The following TEAD1 variants were observed in gnomAD, a reference collection of about 807,000 sequenced individuals.
The protein encoded by TEAD1 is TEA domain transcription factor 1.
Under a neutral mutation model 54.9 loss-of-function variants are expected in TEAD1, and 9 were observed. That is an observed-to-expected ratio of 0.16 (90% CI 0.10 to 0.29). The LOEUF is 0.29. Ranked by LOEUF, TEAD1 falls within the 10% of genes least tolerant of loss-of-function variation. The pLI, the probability that TEAD1 is intolerant of heterozygous loss-of-function variation, is 1.00. For synonymous variants in TEAD1, 200 were observed against 187.8 expected, an observed-to-expected ratio of 1.07 and a Z score of -0.53; for missense variants, 387 against 535.9, an observed-to-expected ratio of 0.72 and a Z score of 2.74.
chr11:12,735,702 G>A (rs930883921), intron 2 of TEAD1, among the ~76,000 whole-genome samples: 2 of 151,894 alleles, frequency 1.3e-5, no homozygotes, highest in Non-Finnish European at 2.9e-5. Context: ...CCACCACTCT[G>A]CTCCCCATGA....
intron 12 of TEAD1, among the ~76,000 whole-genome samples, chr11:12,931,047 C>T (rs1358485043): frequency 6.6e-6 from 1 of 152,192 alleles, no homozygotes; most frequent in African/African-American, 2.4e-5. Flanking sequence ...GGGAGGATCC[C>T]CTGAGCCCAG....
At chr11:12,899,696 AC>A (rs1948387707) in intron 9 of TEAD1, among the ~76,000 whole-genome samples, 1 of 152,208 alleles carries the variant, frequency 6.6e-6, no homozygotes, top group African/African-American at 2.4e-5. Context: ...CTTCTGTCTT[AC>A]CTGCCAGGTG....
intron 3 of TEAD1, among the ~76,000 whole-genome samples, chr11:12,836,874 ATCTATTTT>A (rs1412044573): frequency 6.6e-6 from 1 of 152,178 alleles, no homozygotes; most frequent in African/African-American, 2.4e-5. Flanking sequence ...GAAAAAGCGG[ATCTATTTT>A]TCTTTGGCAA....
At chr11:12,675,987 T>C (rs1027694364) in intron 2 of TEAD1, among the ~76,000 whole-genome samples, 6 of 152,294 alleles carry the variant, frequency 3.9e-5, no homozygotes, top group African/African-American at 1.2e-4. Context: ...AGTGGCTTCC[T>C]GTGATTTGCA....
At chr11:12,927,086 G>A (rs1396310865) in intron 11 of TEAD1, among the ~76,000 whole-genome samples, 1 of 152,168 alleles carries the variant, frequency 6.6e-6, no homozygotes, top group Non-Finnish European at 1.5e-5. Context: ...GTCCTCAGAC[G>A]ATACACCCAA....
At chr11:12,925,198 T>A in intron 11 of TEAD1, 146 bp downstream of exon 11, 1 of 911,172 alleles carries the variant, frequency 1.1e-6, no homozygotes, top group Non-Finnish European at 1.7e-6. Flanking sequence ...TATGAAGAAC[T>A]ACCTGAAAAT....
At chr11:12,710,387 T>C (rs1434041737) in intron 2 of TEAD1, among the ~76,000 whole-genome samples, 3 of 152,098 alleles carry the variant, frequency 2.0e-5, no homozygotes, top group African/African-American at 7.2e-5. Context: ...ACAGATATCA[T>C]TGGGCATCTA....
chr11:12,928,444 G>T (rs1948943260), intron 11 of TEAD1, among the ~76,000 whole-genome samples: 1 of 151,818 alleles, frequency 6.6e-6, no homozygotes, highest in South Asian at 2.1e-4. Flanking sequence ...ACCATGCCTG[G>T]CTAATTTTTT....
At chr11:12,931,169 T>C (rs146460164) in intron 12 of TEAD1, among the ~76,000 whole-genome samples, 6 of 152,320 alleles carry the variant, frequency 3.9e-5, no homozygotes, top group African/African-American at 1.2e-4. Flanking sequence ...AGGTCCATGA[T>C]GGGAAAACTC....
intron 2 of TEAD1, among the ~76,000 whole-genome samples, chr11:12,745,046 G>T (rs1375463292): frequency 1.3e-5 from 2 of 152,204 alleles, no homozygotes; most frequent in Non-Finnish European, 2.9e-5. Context: ...TGGTCAGGGA[G>T]TGTGGTGGCA....
chr11:12,808,270 G>T (rs1009557756), intron 3 of TEAD1, among the ~76,000 whole-genome samples: 2 of 151,958 alleles, frequency 1.3e-5, no homozygotes, highest in South Asian at 2.1e-4. Flanking sequence ...ATAAAATAAC[G>T]CTTAGAATGA....
rs781670513 is a variant in TEAD1 at position 12,930,255 on chromosome 11, A to G, written c.1096A>G (p.Ile366Val). 1.2e-5 allele frequency: 19 copies of G among 1,614,120 alleles called. No individual in the cohort carries two copies. Among genetic ancestry groups the G allele is most frequent in the Non-Finnish European group, 1.6e-5 (19 of 1,180,042 alleles). Residue 366 changes from isoleucine (I) to valine (V), a missense_variant, in exon 12 of 13, where the codon ATC (isoleucine) becomes GTC (valine). Ile to Val is a conservative substitution (Grantham distance 29). Transcript: ENST00000527636. ...AATGTGTGAATATATGATCAACTTC[A>G]TCCACAAGCTCAAACACTTACCAGA...
At chr11:12,898,567 G>A (rs549769220) in intron 9 of TEAD1, among the ~76,000 whole-genome samples, 1 of 151,826 alleles carries the variant, frequency 6.6e-6, no homozygotes, top group South Asian at 2.1e-4. Context: ...GCTAATTTTT[G>A]TATTTTTAGT....
Position 12,940,620 on chromosome 11 carries a change from A to G in TEAD1, c.*3398A>G, listed in dbSNP as rs1564998904. On this transcript the variant is annotated 3_prime_UTR_variant, in exon 13 of 13. Transcript: ENST00000527636. ...GTATTCTTTCACTCAGCACTGGGGA[A>G]GTTGGGAACAGCTGGTCACCATCAT... 1 of 152,202 alleles carries G rather than the reference A, an allele frequency of 6.6e-6. No individual in the cohort carries two copies. Among genetic ancestry groups the G allele is most frequent in the Non-Finnish European group, 1.5e-5 (1 of 68,048 alleles). The allele number at this position is 152,202 out of a possible 1,614,324, so 9.4% of individuals were successfully genotyped here. A position where few individuals can be genotyped will look rare whatever the true frequency, so the allele number is the denominator to read the frequency against.
At chr11:12,676,181 C>G (rs757895584) in intron 2 of TEAD1, among the ~76,000 whole-genome samples, 12 of 152,250 alleles carry the variant, frequency 7.9e-5, no homozygotes, top group Non-Finnish European at 1.8e-4. Flanking sequence ...AAACACTACA[C>G]GTATTGCAAA....
At chr11:12,747,410 A>G (rs530780731) in intron 2 of TEAD1, among the ~76,000 whole-genome samples, 1 of 152,264 alleles carries the variant, frequency 6.6e-6, no homozygotes, top group Non-Finnish European at 1.5e-5. Context: ...ATCTTGGCTC[A>G]CTGCAACTCT....
chr11:12,715,047 A>C (rs2133857157), intron 2 of TEAD1, among the ~76,000 whole-genome samples: 1 of 152,286 alleles, frequency 6.6e-6, no homozygotes, highest in South Asian at 2.1e-4. Flanking sequence ...AGTATGTGTC[A>C]GGCACTGCCC....
chr11:12,843,613 T>G (rs1391852472), intron 3 of TEAD1, among the ~76,000 whole-genome samples: 1 of 152,264 alleles, frequency 6.6e-6, no homozygotes, highest in Non-Finnish European at 1.5e-5. Context: ...TGGATTGTTA[T>G]TCACAAAAGC....
At chr11:12,846,642 C>G (rs1015809061) in intron 3 of TEAD1, among the ~76,000 whole-genome samples, 1 of 152,082 alleles carries the variant, frequency 6.6e-6, no homozygotes, top group Non-Finnish European at 1.5e-5. Flanking sequence ...GTCTGACTTC[C>G]GTTTGTCCAG....
Sources: gnomAD v4.1 joint callset for allele counts (sites outside exome capture counted in the v4.1 genomes callset) on GRCh38, gnomAD v4.1.1 for gene constraint, MANE v1.5 for transcripts, NCBI Gene and HGNC (gene_info 2026-07-23, HGNC 2026-07-21) for gene names.